The following LRRC28 variants were observed in gnomAD, a reference collection of about 807,000 sequenced individuals.
LRRC28 encodes leucine rich repeat containing 28, also known as leucine-rich repeat-containing protein 28.
Under a neutral mutation model 45.7 loss-of-function variants are expected in LRRC28, and 39 were observed. That is an observed-to-expected ratio of 0.85 (90% CI 0.66 to 1.12). LRRC28 has a LOEUF of 1.12. LRRC28 is among the 50% of genes most tolerant of loss of function. The probability of loss-of-function intolerance (pLI) is 0.00; values close to 1 mark genes in which losing one functional copy is unlikely to be tolerated. For synonymous variants in LRRC28, 206 were observed against 178.8 expected, an observed-to-expected ratio of 1.15 and a Z score of -1.22; for missense variants, 435 against 438.5, an observed-to-expected ratio of 0.99 and a Z score of 0.07.
chr15:99,290,924 C>T (rs938152683), intron 5 of LRRC28, among the ~76,000 whole-genome samples: 7 of 152,132 alleles, frequency 4.6e-5, no homozygotes, highest in African/African-American at 1.7e-4. Context: ...ACTCTGATTG[C>T]AGTATTGCAC....
intron 5 of LRRC28, among the ~76,000 whole-genome samples, chr15:99,309,589 A>C (rs777895777): frequency 3.9e-5 from 6 of 152,068 alleles, no homozygotes; most frequent in Non-Finnish European, 8.8e-5. Context: ...TTGTATTTTT[A>C]GTAGAGACGC....
intron 5 of LRRC28, among the ~76,000 whole-genome samples, chr15:99,295,086 G>GT (rs2082228844): frequency 2.6e-5 from 4 of 152,192 alleles, no homozygotes; most frequent in Admixed American, 2.6e-4. Flanking sequence ...ATGTTTTTGA[G>GT]TAGTTCATTG....
chr15:99,279,387 C>G (rs546460975), intron 3 of LRRC28, among the ~76,000 whole-genome samples: 12 of 152,292 alleles, frequency 7.9e-5, no homozygotes, highest in Admixed American at 3.9e-4. Context: ...ACAACTGTTT[C>G]AAGCAGCTGT....
chr15:99,255,273 A>G (rs555449723), intron 1 of LRRC28, among the ~76,000 whole-genome samples: 1 of 152,102 alleles, frequency 6.6e-6, no homozygotes, highest in East Asian at 1.9e-4. Flanking sequence ...TGGGAGGATC[A>G]CTTGAGCCCA....
intron 2 of LRRC28, among the ~76,000 whole-genome samples, chr15:99,271,586 T>TTTTA (rs886370178): frequency 6.6e-6 from 1 of 151,918 alleles, no homozygotes; most frequent in African/African-American, 2.4e-5. Flanking sequence ...CCTATTTTTC[T>TTTTA]TTTATTTATT....
Position 99,386,126 on chromosome 15 carries a change from C to T in LRRC28, c.*24C>T, listed in dbSNP as rs377495811. ...GATAAACACTCAAGAACCTCAGGAG[C>T]GCTGCCAGCTTGACACTGGGGAATC... On this transcript the variant is annotated 3_prime_UTR_variant, in exon 10 of 10. Transcript: ENST00000301981. 1.2e-4 allele frequency: 198 copies of T among 1,598,288 alleles called. No homozygotes were observed. The highest frequency in any genetic ancestry group is 2.2e-4 in the East Asian group (10 of 44,804).
In LRRC28 at chr15:99,344,728, G is replaced by A. The variant is rs193245526; in HGVS notation, c.593-7641G>A. Among the ~76,000 whole-genome samples, 405 of 152,278 alleles carry A rather than the reference G, an allele frequency of 2.7e-3. 4 individuals carry two copies. The highest frequency in any genetic ancestry group is 2.6e-3 in the Non-Finnish European group (175 of 68,024). On this transcript the variant is annotated intron_variant, in intron 6 of 9. Transcript: ENST00000301981. ...ACTATGTAAGAAGTAGCAAGTGTCA[G>A]CTCTTATTTAACTGTATTGTATGAT... is the stretch of plus-strand genomic sequence containing the variant.
chr15:99,268,012 G>A (rs1292564557), intron 2 of LRRC28, among the ~76,000 whole-genome samples: 1 of 152,152 alleles, frequency 6.6e-6, no homozygotes, highest in African/African-American at 2.4e-5. Context: ...CTAAGAAGAG[G>A]ATAATGGCTG....
intron 3 of LRRC28, chr15:99,285,500 C>T (rs781334663): frequency 1.7e-5 from 18 of 1,073,220 alleles, no homozygotes; most frequent in Admixed American, 3.8e-5. Flanking sequence ...AGGCTCTCAT[C>T]GGTTGTTTCA....
rs1342498014 is a variant in LRRC28 at position 99,387,232 on chromosome 15, T to TG, written c.*1130_*1131insG. On this transcript the variant is annotated 3_prime_UTR_variant, in exon 10 of 10. Coordinates refer to ENST00000301981, the MANE Select transcript of LRRC28 (RefSeq NM_144598.5). ...CCCGCCACCACGCCCGGCTAATTTT[T>TG]TGTATTTTTAGTAGAGACGGGGTTT... The TG allele has an allele frequency of 6.7e-6, 1 of 149,238 alleles. No homozygotes were observed. The highest frequency in any genetic ancestry group is 2.2e-4 in the South Asian group (1 of 4,560). The allele number at this position is 149,238 out of a possible 1,614,324, so 9.2% of individuals were successfully genotyped here.
intron 2 of LRRC28, among the ~76,000 whole-genome samples, chr15:99,264,727 C>G (rs921409953): frequency 2.6e-5 from 4 of 152,058 alleles, no homozygotes; most frequent in Non-Finnish European, 4.4e-5. Flanking sequence ...TTCTATTCTT[C>G]CCTTTTCTTT....
intron 1 of LRRC28, among the ~76,000 whole-genome samples, chr15:99,254,569 G>T (rs2080960995): frequency 6.6e-6 from 1 of 152,232 alleles, no homozygotes; most frequent in South Asian, 2.1e-4. Context: ...CTTCTTTGTA[G>T]TTGTTTCAGC....
intron 2 of LRRC28, among the ~76,000 whole-genome samples, chr15:99,274,920 C>T (rs1175541905): frequency 6.6e-6 from 1 of 152,088 alleles, no homozygotes; most frequent in Non-Finnish European, 1.5e-5. Context: ...TTTTGGAACT[C>T]GGGTCAGACC....
intron 9 of LRRC28, among the ~76,000 whole-genome samples, chr15:99,379,821 G>A (rs571888826): frequency 1.3e-5 from 2 of 152,324 alleles, no homozygotes; most frequent in South Asian, 4.1e-4. Context: ...TCAGGAGCAG[G>A]TTGTTCAGTT....
At chr15:99,341,899 A>T (rs62023847) in intron 6 of LRRC28, among the ~76,000 whole-genome samples, 21,503 of 152,196 alleles carry the variant, frequency 0.14, 1,550 homozygotes, top group Non-Finnish European at 0.17. Context: ...TCCATCAGTC[A>T]TAGCTTTCAG....
chr15:99,333,974 T>A lies in LRRC28; in HGVS notation c.437T>A (p.Leu146Ter), dbSNP rs1268586451. The A allele has an allele frequency of 1.9e-6, 3 of 1,614,058 alleles. No individual in the cohort carries two copies. Among genetic ancestry groups the A allele is most frequent in the Non-Finnish European group, 2.5e-6 (3 of 1,180,022 alleles). Residue 146 changes from leucine to a stop codon, truncating the protein, a stop_gained, in exon 6 of 10, where the codon TTG becomes TAG. Coordinates refer to ENST00000301981, the MANE Select transcript of LRRC28 (RefSeq NM_144598.5). LOFTEE classifies it high-confidence loss of function. ...ACACTAGACATTTCTACCAATCGTT[T>A]GCTAACTTTACCCGAGAGGCTTCAC... The part of the protein sequence containing the change: ...LQTLDISTNR[L>*]LTLPERLHMC...
At chr15:99,354,996 A>G (rs1050328545) in intron 7 of LRRC28, among the ~76,000 whole-genome samples, 1 of 152,228 alleles carries the variant, frequency 6.6e-6, no homozygotes, top group Non-Finnish European at 1.5e-5. Context: ...ATATATACGT[A>G]TTTATCTCAG....
In LRRC28 at chr15:99,390,200, G is replaced by T. The variant is rs755626520; in HGVS notation, c.*4098G>T. On this transcript the variant is annotated 3_prime_UTR_variant, in exon 10 of 10. Coordinates refer to ENST00000301981, the MANE Select transcript of LRRC28 (RefSeq NM_144598.5). ...ATCAGCTAATAGATCTGAAAGTGAT[G>T]CCGGTGTCTCTAGGAAAGGAATTGA... The T allele has an allele frequency of 6.6e-6, 1 of 152,230 alleles. No individual in the cohort carries two copies. The highest frequency in any genetic ancestry group is 1.5e-5 in the Non-Finnish European group (1 of 68,044). The allele number at this position is 152,230 out of a possible 1,614,324, so 9.4% of individuals were successfully genotyped here.
At chr15:99,281,350 C>A (rs890687351) in intron 3 of LRRC28, among the ~76,000 whole-genome samples, 5 of 152,144 alleles carry the variant, frequency 3.3e-5, no homozygotes, top group Non-Finnish European at 7.3e-5. Flanking sequence ...CTCCTGGGCT[C>A]AAGTGATCCT....
Sources: allele counts gnomAD v4.1 joint callset (sites outside exome capture counted in the v4.1 genomes callset), GRCh38; gene constraint gnomAD v4.1.1; transcripts MANE v1.5; gene names NCBI Gene and HGNC (gene_info 2026-07-23, HGNC 2026-07-21).